Variants in FAM118B observed in about 807,000 individuals in gnomAD.
FAM118B encodes protein FAM118B.
In FAM118B, 24 loss-of-function variants were observed where a neutral mutation model predicts 38.5. The ratio of observed to expected loss-of-function variants is 0.62; its 90% confidence interval spans 0.45 to 0.88. The LOEUF is 0.88. FAM118B is among the 40% of genes least tolerant of loss of function. The probability of loss-of-function intolerance (pLI) is 0.00; values close to 1 mark genes in which losing one functional copy is unlikely to be tolerated. For missense variants in FAM118B, 334 were observed against 420.0 expected (o/e 0.80, Z 1.79); for synonymous variants, 138 against 156.3 (o/e 0.88, Z 0.87).
At chr11:126,213,334 A>G (rs1949917581) in intron 1 of FAM118B, among the ~76,000 whole-genome samples, 1 of 152,198 alleles carries the variant, frequency 6.6e-6, no homozygotes, top group Non-Finnish European at 1.5e-5. Flanking sequence ...TTTCTCTTAT[A>G]AGGCAGGTGT....
At position 126,250,160 on chromosome 11, in the gene FAM118B, C is replaced by T. The variant is rs1159401638; in HGVS notation, c.340-346C>T. Among the ~76,000 whole-genome samples the T allele has an allele frequency of 4.0e-5, 6 of 150,464 alleles. No homozygotes were observed. Among genetic ancestry groups the T allele is most frequent in the Non-Finnish European group, 5.9e-5 (4 of 67,878 alleles). ...AGGCTGGAGTGCAGTGACGCGATCT[C>T]GGCTCACTGCAAGCTCCGCCTCCTG... On this transcript the variant is annotated intron_variant, in intron 4 of 8. Transcript: ENST00000533050. This position sits in a 1 kb window ranked among gnomAD's most constrained non-coding sequence, Gnocchi z 5.1.
At position 126,256,439 on chromosome 11, in the gene FAM118B, C is replaced by T; in HGVS notation, c.697-128C>T. 1.4e-6 allele frequency: 1 copy of T among 738,370 alleles called. No homozygotes were observed. Among genetic ancestry groups the T allele is most frequent in the Admixed American group, 2.8e-5 (1 of 35,464 alleles). 45.7% of individuals were successfully genotyped at this position (738,370 alleles called of 1,614,324 possible). ...CAAGAGATCACACTCCTTGATGGGA[C>T]ATACCAACCCACTTAAGTCTTGCTT... On this transcript the variant is annotated intron_variant, in intron 6 of 8. Transcript: ENST00000533050. This position sits in a 1 kb window ranked among gnomAD's most constrained non-coding sequence, Gnocchi z 6.6.
Position 126,262,439 on chromosome 11 carries a change from C to A in FAM118B, c.*306C>A. ...ACAGCACACCAATGTGATACTTCCACTGACCGGCTGCAGCTCTGCATGAAG... is the reference window on the plus strand; with the variant it reads ...ACAGCACACCAATGTGATACTTCCAATGACCGGCTGCAGCTCTGCATGAAG... On this transcript the variant is annotated 3_prime_UTR_variant, in exon 9 of 9. Coordinates refer to ENST00000533050, the MANE Select transcript of FAM118B (RefSeq NM_024556.4). 1 of 392,566 alleles carries A rather than the reference C, an allele frequency of 2.5e-6. No homozygotes were observed. Among genetic ancestry groups the A allele is most frequent in the Non-Finnish European group, 4.6e-6 (1 of 219,330 alleles). 24.3% of individuals were successfully genotyped at this position (392,566 alleles called of 1,614,324 possible). A position where few individuals can be genotyped will look rare whatever the true frequency, so the allele number is the denominator to read the frequency against.
At position 126,220,977 on chromosome 11, in the gene FAM118B, A is replaced by T. The variant is rs150153923; in HGVS notation, c.-76-8248A>T. Among the ~76,000 whole-genome samples, 1,175 of 152,286 alleles carry T rather than the reference A, an allele frequency of 7.7e-3. 14 individuals carry two copies. The highest frequency in any genetic ancestry group is 0.027 in the African/African-American group (1,105 of 41,572). On this transcript the variant is annotated intron_variant, in intron 1 of 8. Coordinates refer to ENST00000533050, the MANE Select transcript of FAM118B (RefSeq NM_024556.4). ...CAAGGCATGTGGATCGCTTGAGGCC[A>T]GGAGTTTGAAACCAGCCTGGCCAAC...
rs1392844428 is a variant in FAM118B, at chr11:126,250,096, T to G, written c.340-410T>G. Among the ~76,000 whole-genome samples, 2 of 151,124 alleles carry G rather than the reference T, an allele frequency of 1.3e-5. No individual in the cohort carries two copies. Among genetic ancestry groups the G allele is most frequent in the Non-Finnish European group, 3.0e-5 (2 of 67,696 alleles). ...AGATAATATTTTATCCCCGGGATTT[T>G]TTTTTTTTTTTTTGAGATGGAGTCT... On this transcript the variant is annotated intron_variant, in intron 4 of 8. Transcript: ENST00000533050. This position sits in a 1 kb window ranked among gnomAD's most constrained non-coding sequence, Gnocchi z 5.1.
intron 4 of FAM118B, among the ~76,000 whole-genome samples, chr11:126,245,540 A>G (rs2135185600): frequency 6.6e-6 from 1 of 151,950 alleles, no homozygotes; most frequent in South Asian, 2.1e-4. Context: ...CAAGAAAGTG[A>G]AAACAGAGCC....
intron 3 of FAM118B, among the ~76,000 whole-genome samples, chr11:126,238,336 A>G (rs1950308437): frequency 6.6e-6 from 1 of 152,172 alleles, no homozygotes. Flanking sequence ...CATCTCAAAA[A>G]AAAAAGCCAG....
At chr11:126,219,349 C>CTTGTTTTTTTTTTT (rs1950028762) in intron 1 of FAM118B, among the ~76,000 whole-genome samples, 1 of 44,414 alleles carries the variant, frequency 2.3e-5, no homozygotes, top group Non-Finnish European at 3.9e-5. Context: ...TCTTGTTTAT[C>CTTGTTTTTTTTTTT]TTTTTTTTTT....
At position 126,217,138 on chromosome 11, in the gene FAM118B, C is replaced by T. The variant is rs546900354; in HGVS notation, c.-77+5308C>T. 6.6e-5 allele frequency among the ~76,000 whole-genome samples: 10 copies of T among 152,346 alleles called. No homozygotes were observed. In the East Asian group the frequency reaches 1.2e-3, roughly 18 times the overall value. On this transcript the variant is annotated intron_variant, in intron 1 of 8. Transcript: ENST00000533050. Reference sequence around the variant, plus strand: ...GGGGAGCATGCCAACTCCACACAAACGGGTAGCCTCAGCCAGGAATCACTT... The same window carrying T: ...GGGGAGCATGCCAACTCCACACAAATGGGTAGCCTCAGCCAGGAATCACTT...
chr11:126,259,802 G>C (rs1273917404), intron 7 of FAM118B, among the ~76,000 whole-genome samples: 1 of 149,680 alleles, frequency 6.7e-6, no homozygotes, highest in African/African-American at 2.5e-5. Context: ...CTCACTGCAA[G>C]CTCTGCCTCC....
chr11:126,211,758 G>A (rs1949879328), upstream of FAM118B: 1 of 1,172,932 alleles, frequency 8.5e-7, no homozygotes. Flanking sequence ...AGTCACGTGG[G>A]GACGGTGCGC....
At chr11:126,257,111 A>G (rs1420743170) in intron 7 of FAM118B, among the ~76,000 whole-genome samples, 2 of 152,236 alleles carry the variant, frequency 1.3e-5, no homozygotes, top group Non-Finnish European at 2.9e-5. Flanking sequence ...ACTAGTTATC[A>G]ATGAAATGCA....
intron 4 of FAM118B, among the ~76,000 whole-genome samples, chr11:126,245,857 G>A (rs921971997): frequency 3.9e-5 from 6 of 152,070 alleles, no homozygotes; most frequent in Non-Finnish European, 5.9e-5. Flanking sequence ...TTAGCTGGGC[G>A]TGGTGGCGCA....
At chr11:126,214,621 G>C (rs890353145) in intron 1 of FAM118B, 1 of 145,544 alleles carries the variant, frequency 6.9e-6, no homozygotes, top group African/African-American at 2.6e-5. Flanking sequence ...CAGTCCATTT[G>C]TTGGGAACTC....
At chr11:126,258,758 C>CTATA (rs1357128318) in intron 7 of FAM118B, among the ~76,000 whole-genome samples, 2 of 152,210 alleles carry the variant, frequency 1.3e-5, no homozygotes, top group African/African-American at 4.8e-5. Context: ...TTCTTTTGAT[C>CTATA]TATATGCTGA....
intron 2 of FAM118B, among the ~76,000 whole-genome samples, chr11:126,229,597 C>A (rs578024864): frequency 6.6e-6 from 1 of 152,138 alleles, no homozygotes; most frequent in East Asian, 1.9e-4. Context: ...CGCCCACCAC[C>A]GCACCCGGCT....
In FAM118B at chr11:126,261,442, G is replaced by A. The variant is rs1591533932; in HGVS notation, c.1000G>A (p.Gly334Ser). 1.2e-6 allele frequency: 2 copies of A among 1,613,832 alleles called. No individual in the cohort carries two copies. The highest frequency in any genetic ancestry group is 1.7e-6 in the Non-Finnish European group (2 of 1,179,882). The change falls in exon 8 of 9, where the codon GGT becomes AGT. Residue 334 changes from glycine (G) to serine (S), a missense_variant. Around this residue, in one of 3 missense-constraint regions of FAM118B, gnomAD observed 88 missense variants for 98.1 expected, o/e 0.90. Transcript: ENST00000533050. ...CTATTTAGCAGGGATGGTGAGAGAA[G>A]GTCAGCTAAATGGCTCATCTGCAGC... ...RGTSAGMVRE[G>S]QLNGSSAAHS...
In FAM118B at chr11:126,235,006, C is replaced by G. The variant is rs1210950242; in HGVS notation, c.5C>G (p.Ala2Gly). The change falls in exon 3 of 9, where the codon GCT (alanine) becomes GGT (glycine). Residue 2 changes from alanine (A) to glycine (G), a missense_variant. Ala to Gly is a moderately conservative substitution (Grantham distance 60, BLOSUM62 0). Around this residue, in one of 3 missense-constraint regions of FAM118B, gnomAD observed 240 missense variants for 295.9 expected, o/e 0.81. Coordinates refer to ENST00000533050, the MANE Select transcript of FAM118B (RefSeq NM_024556.4). Reference protein sequence around the residue: MASTGSQASDID... With the variant: MGSTGSQASDID... ...TTAATCTATTTTAGAAACTGGATGG[C>G]TTCTACAGGGAGCCAGGCCTCTGAT... The G allele has an allele frequency of 1.1e-5, 18 of 1,613,570 alleles. No individual in the cohort carries two copies. Among genetic ancestry groups the G allele is most frequent in the Non-Finnish European group, 1.5e-5 (18 of 1,179,706 alleles).
chr11:126,234,065 G>C (rs1322230317), intron 2 of FAM118B, among the ~76,000 whole-genome samples: 1 of 152,140 alleles, frequency 6.6e-6, no homozygotes, highest in Non-Finnish European at 1.5e-5. Flanking sequence ...CTGGACAACA[G>C]AGCAAGACCC....
Sources: allele counts gnomAD v4.1 joint callset (sites outside exome capture counted in the v4.1 genomes callset), GRCh38; gene constraint gnomAD v4.1.1; regional missense constraint gnomAD v4.1.1; non-coding constraint Gnocchi (gnomAD v3.1); transcripts MANE v1.5; gene names NCBI Gene and HGNC (gene_info 2026-07-23, HGNC 2026-07-21).